ANXA3: variants seen among roughly 807,000 people sequenced by gnomAD.
ANXA3 encodes the protein 35-alpha calcimedin.
A neutral mutation model predicts 48.8 loss-of-function variants in ANXA3; 46 were observed. The ratio of observed to expected loss-of-function variants is 0.94; its 90% CI spans 0.74 to 1.21. The LOEUF is 1.21. Ranked by LOEUF, ANXA3 falls within the 50% of genes most tolerant of loss-of-function variation. ANXA3 has a pLI of 0.00. For missense variants in ANXA3, 383 were observed against 378.6 expected, an observed-to-expected ratio of 1.01 and a Z score of -0.10; for synonymous variants, 128 against 134.7, an observed-to-expected ratio of 0.95 and a Z score of 0.35.
intron 10 of ANXA3, among the ~76,000 whole-genome samples, chr4:78,598,054 A>G (rs116266310): frequency 0.061 from 9,235 of 152,138 alleles, 865 homozygotes; most frequent in African/African-American, 0.21. Context: ...ACGTAGGCAA[A>G]GCACAGTGGC....
intron 4 of ANXA3, 53 bp from the exon 5 acceptor site, chr4:78,582,124 G>T: frequency 8.1e-7 from 1 of 1,239,840 alleles, no homozygotes; most frequent in Non-Finnish European, 1.2e-6. Context: ...GGTGACTTTA[G>T]AGAAAGAGAA....
chr4:78,603,868 C>G (rs7671564), intron 11 of ANXA3: 9,938 of 153,496 alleles, frequency 0.065, 369 homozygotes, highest in Middle Eastern at 0.093. Flanking sequence ...TGAACCTACT[C>G]CTTCCTCTTG....
At chr4:78,597,915 T>C (rs1172567225) in intron 10 of ANXA3, among the ~76,000 whole-genome samples, 1 of 151,500 alleles carries the variant, frequency 6.6e-6, no homozygotes, top group African/African-American at 2.4e-5. Context: ...CATCCAGCCA[T>C]CTTTTTAAAT....
At chr4:78,584,053 A>G (rs927983935) in intron 5 of ANXA3, among the ~76,000 whole-genome samples, 5 of 152,086 alleles carry the variant, frequency 3.3e-5, no homozygotes, top group African/African-American at 1.2e-4. Flanking sequence ...TCATAAGCTT[A>G]TTCTTGTTTT....
intron 11 of ANXA3, 87 bp downstream of exon 11, chr4:78,601,655 T>C: frequency 8.9e-7 from 1 of 1,124,542 alleles, no homozygotes; most frequent in Non-Finnish European, 1.3e-6. Flanking sequence ...ATTTAAAAAT[T>C]AGTTATTTTA....
intron 7 of ANXA3, 119 bp downstream of exon 7, chr4:78,591,742 G>A (rs1284808189): frequency 8.6e-6 from 6 of 698,988 alleles, no homozygotes; most frequent in African/African-American, 7.2e-5. Flanking sequence ...CTTATGAAAT[G>A]GTTTGTTCAT....
At chr4:78,582,422 A>G (rs1723091584) in intron 5 of ANXA3, 132 bp downstream of exon 5, 1 of 595,698 alleles carries the variant, frequency 1.7e-6, no homozygotes, top group Non-Finnish European at 3.1e-6. Context: ...CAGTGGTAGA[A>G]TGACTCTGAA....
At position 78,579,175 on chromosome 4, in the gene ANXA3, C is replaced by T. The variant is rs556360272; in HGVS notation, c.198+54C>T. On this transcript the variant is annotated intron_variant, in intron 4 of 12. Transcript: ENST00000264908. The stretch of plus-strand genomic sequence containing the variant: ...AAAGAGATCATTAATGTACCATGGT[C>T]GCTCCCACATGGTTATGCCCACAGT... 1.9e-4 allele frequency: 243 copies of T among 1,247,228 alleles called. 1 individual carries two copies. In the East Asian group the frequency reaches 4.9e-3, roughly 25 times the overall value. The allele number at this position is 1,247,228 out of a possible 1,614,324, so 77.3% of individuals were successfully genotyped here. A position where few individuals can be genotyped will look rare whatever the true frequency, so the allele number is the denominator to read the frequency against.
intron 12 of ANXA3, among the ~76,000 whole-genome samples, chr4:78,604,742 T>C (rs1723612963): frequency 6.6e-6 from 1 of 152,232 alleles, no homozygotes; most frequent in Non-Finnish European, 1.5e-5. Flanking sequence ...AAAATACGTA[T>C]TTTAAATTTC....
At chr4:78,562,424 T>C (rs1355875204) in intron 2 of ANXA3, among the ~76,000 whole-genome samples, 1 of 152,068 alleles carries the variant, frequency 6.6e-6, no homozygotes, top group Admixed American at 6.6e-5. Flanking sequence ...TAAATAGGAG[T>C]AGTGACAGTC....
chr4:78,596,533 A>G (rs544612512), intron 9 of ANXA3, among the ~76,000 whole-genome samples: 1 of 152,356 alleles, frequency 6.6e-6, no homozygotes, highest in South Asian at 2.1e-4. Context: ...AGCAAGACCA[A>G]GCTTATGCTG....
Position 78,604,417 on chromosome 4 carries a change from A to G in ANXA3, c.912+18A>G, listed in dbSNP as rs756336795. 6.2e-7 allele frequency: 1 copy of G among 1,603,896 alleles called. No homozygotes were observed. Among genetic ancestry groups the G allele is most frequent in the East Asian group, 2.2e-5 (1 of 44,594 alleles). ...CAATTAAAGTAAGTCTACTTTTAAA[A>G]ATAGCAAAACATATTTTGCCCTTCT... On this transcript the variant is annotated intron_variant, in intron 12 of 12. Coordinates refer to ENST00000264908, the MANE Select transcript of ANXA3 (RefSeq NM_005139.3).
rs181605294 is a variant in ANXA3 at position 78,604,095 on chromosome 4, T to C, written c.790-182T>C. On this transcript the variant is annotated intron_variant, in intron 11 of 12. Transcript: ENST00000264908. ...CTTTGCAGCATTTAGCATGATGCTG[T>C]CACAGAGTAGGTGCTCAACAAATAT... The C allele has an allele frequency of 1.0e-3, 532 of 518,920 alleles. 2 individuals are homozygous for C. Among genetic ancestry groups the C allele is most frequent in the African/African-American group, 9.5e-3 (483 of 51,000 alleles). The allele number at this position is 518,920 out of a possible 1,614,324, so 32.1% of individuals were successfully genotyped here.
At chr4:78,557,503 G>A (rs1722539305) in intron 2 of ANXA3, among the ~76,000 whole-genome samples, 3 of 152,124 alleles carry the variant, frequency 2.0e-5, no homozygotes, top group Admixed American at 2.0e-4. Context: ...TTAGGAGGCT[G>A]TTGTTCTGCC....
rs1345780519 is a variant in ANXA3, at chr4:78,573,160, T to C, written c.16-20T>C. On this transcript the variant is annotated intron_variant, in intron 2 of 12. Coordinates refer to ENST00000264908, the MANE Select transcript of ANXA3 (RefSeq NM_005139.3). Reference sequence around the variant, plus strand: ...AGATGTCATTTTGAACCAATGGGACTTTCAAGTATTTCCTTCTAGGTTGGA... The same window carrying C: ...AGATGTCATTTTGAACCAATGGGACCTTCAAGTATTTCCTTCTAGGTTGGA... The C allele has an allele frequency of 6.4e-7, 1 of 1,569,340 alleles. No individual in the cohort carries two copies. The highest frequency in any genetic ancestry group is 1.1e-5 in the South Asian group (1 of 90,140).
chr4:78,574,775 G>A (rs891721613), intron 3 of ANXA3, among the ~76,000 whole-genome samples: 1 of 152,094 alleles, frequency 6.6e-6, no homozygotes, highest in Non-Finnish European at 1.5e-5. Flanking sequence ...CATTTAAATT[G>A]CCTACAATTC....
intron 12 of ANXA3, among the ~76,000 whole-genome samples, chr4:78,608,276 G>A (rs1723692740): frequency 6.6e-6 from 1 of 152,050 alleles, no homozygotes; most frequent in Admixed American, 6.6e-5. Flanking sequence ...ATTCAGATCT[G>A]GAAAATAAGT....
chr4:78,566,478 C>A, intron 2 of ANXA3, among the ~76,000 whole-genome samples: 1 of 112,916 alleles, frequency 8.9e-6, no homozygotes, highest in Non-Finnish European at 1.8e-5. Context: ...ACTACTCAGC[C>A]ACTCAGCCAC....
chr4:78,576,506 A>G (rs910830418), intron 3 of ANXA3, among the ~76,000 whole-genome samples: 3 of 152,098 alleles, frequency 2.0e-5, no homozygotes, highest in African/African-American at 7.2e-5. Context: ...TATGTTGCCC[A>G]CGCTAGTCTT....
Sources: allele counts gnomAD v4.1 joint callset (sites outside exome capture counted in the v4.1 genomes callset), GRCh38; gene constraint gnomAD v4.1.1; transcripts MANE v1.5; gene names NCBI Gene and HGNC (gene_info 2026-07-23, HGNC 2026-07-21).